The following GINS1 variants were observed in gnomAD, a reference collection of about 807,000 sequenced individuals.
GINS1 encodes GINS complex subunit 1.
GINS1 carries 26 observed loss-of-function variants against 34.9 expected under a neutral mutation model. That is an observed-to-expected ratio of 0.74 (90% CI 0.55 to 1.03). The LOEUF (loss-of-function observed/expected upper bound fraction) is 1.03, where lower values mean the gene tolerates loss of function less well. Among genes scored for constraint, GINS1 ranks in the 50% least tolerant of loss-of-function variants. The probability of loss-of-function intolerance (pLI) is 0.00; values close to 1 mark genes in which losing one functional copy is unlikely to be tolerated. For missense variants in GINS1, 235 were observed against 237.9 expected (o/e 0.99, Z 0.08); for synonymous variants, 97 against 84.4 (o/e 1.15, Z -0.82).
At position 25,426,783 on chromosome 20, in the gene GINS1, C is replaced by G. The variant is rs190582182; in HGVS notation, c.447+1456C>G. Among the ~76,000 whole-genome samples, 63 of 152,164 alleles carry G rather than the reference C, an allele frequency of 4.1e-4. No homozygotes were observed. In the East Asian group the frequency reaches 0.01, roughly 25 times the overall value. On this transcript the variant is annotated intron_variant, in intron 5 of 6. Transcript: ENST00000262460. ...CAGGTGATCCTCCCTCCTCGGCCTC[C>G]CAAAGTGCTGCGATTACAGGTGTGA...
Position 25,435,379 on chromosome 20 carries a change from A to G in GINS1, c.448-6323A>G, listed in dbSNP as rs141360571. ...AGTGGCACAATCATAGCTCACTGTA[A>G]TCTCAAACTCCTGGGCTGAAGCAAT... is the stretch of plus-strand genomic sequence containing the variant. On this transcript the variant is annotated intron_variant, in intron 5 of 6. Transcript: ENST00000262460. Among the ~76,000 whole-genome samples, 4 of 152,202 alleles carry G rather than the reference A, an allele frequency of 2.6e-5. No individual in the cohort carries two copies. In the East Asian group the frequency reaches 5.8e-4, roughly 22 times the overall value.
intron 2 of GINS1, 77 bp downstream of exon 2, chr20:25,413,931 C>T: frequency 2.4e-6 from 2 of 828,876 alleles, no homozygotes; most frequent in South Asian, 1.4e-5. Flanking sequence ...GTGGCTCACG[C>T]CTGTAATCCC....
At chr20:25,423,402 G>A (rs1243415513) in intron 4 of GINS1, among the ~76,000 whole-genome samples, 1 of 146,906 alleles carries the variant, frequency 6.8e-6, no homozygotes, top group African/African-American at 2.5e-5. Flanking sequence ...GTGAGCCACC[G>A]TGCCTGGCCT....
At chr20:25,417,654 G>A (rs752506410) in intron 3 of GINS1, among the ~76,000 whole-genome samples, 24 of 152,184 alleles carry the variant, frequency 1.6e-4, no homozygotes, top group Non-Finnish European at 3.1e-4. Context: ...TCAGGAGTTC[G>A]AGACCAGCCT....
chr20:25,443,114 G>C (rs1386510784), intron 6 of GINS1: 2 of 152,116 alleles, frequency 1.3e-5, no homozygotes, highest in Non-Finnish European at 2.9e-5. Flanking sequence ...TTTCCTAACA[G>C]GGTGAGTTGA....
chr20:25,421,381 C>G (rs892734734), intron 4 of GINS1, among the ~76,000 whole-genome samples: 3 of 152,044 alleles, frequency 2.0e-5, no homozygotes, highest in African/African-American at 7.2e-5. Context: ...AACAGATGAT[C>G]ATGTGTTAAT....
At chr20:25,434,813 C>A (rs1325629141) in intron 5 of GINS1, among the ~76,000 whole-genome samples, 1 of 152,216 alleles carries the variant, frequency 6.6e-6, no homozygotes, top group African/African-American at 2.4e-5. Context: ...CATTTGTCTT[C>A]TGTGGGCTAC....
At position 25,417,157 on chromosome 20, in the gene GINS1, G is replaced by A. The variant is rs186289957; in HGVS notation, c.194G>A (p.Arg65Gln). 13 of 1,600,922 alleles carry A rather than the reference G, an allele frequency of 8.1e-6. No homozygotes were observed. Among genetic ancestry groups the A allele is most frequent in the African/African-American group, 1.3e-5 (1 of 74,702 alleles). The change falls in exon 3 of 7, where the codon CGA (arginine) becomes CAA (glutamine). Residue 65 changes from arginine (R) to glutamine (Q), a missense_variant. By Grantham distance (43) the Arg-to-Gln change is conservative. Transcript: ENST00000262460. The part of the protein sequence containing the change: ...RSDLIPTIKF[R>Q]HCSLLRNRRC... ...GATTTGATACCAACTATCAAATTTC[G>A]ACACTGTTCTCTGTTAAGAAATCGA... is the stretch of plus-strand genomic sequence containing the variant.
At chr20:25,439,160 A>G (rs929758439) in intron 5 of GINS1, among the ~76,000 whole-genome samples, 13 of 152,318 alleles carry the variant, frequency 8.5e-5, no homozygotes, top group African/African-American at 3.1e-4. Context: ...ATGCATGAGT[A>G]TGGATGACAC....
chr20:25,419,669 TG>T, intron 4 of GINS1: 1 of 677,010 alleles, frequency 1.5e-6, no homozygotes, highest in South Asian at 1.9e-5. Context: ...TTAATTTTTT[TG>T]TGTATTTTTT....
chr20:25,444,186 A>G (rs1003906810), intron 6 of GINS1, among the ~76,000 whole-genome samples: 21 of 151,042 alleles, frequency 1.4e-4, no homozygotes, highest in African/African-American at 5.1e-4. Flanking sequence ...TAATTTTTGT[A>G]TTTTTTTTAG....
chr20:25,413,838 CA>C lies in GINS1; in HGVS notation c.128del (p.Asn43ThrfsTer5). 2 of 1,554,086 alleles carry C rather than the reference CA, an allele frequency of 1.3e-6. No homozygotes were observed. Among genetic ancestry groups the C allele is most frequent in the Non-Finnish European group, 1.8e-6 (2 of 1,125,240 alleles). On this transcript the variant is annotated frameshift_variant, in exon 2 of 7. Transcript: ENST00000262460. LOFTEE classifies it high-confidence loss of function. ...VLEEMKALYE[Q>X]NQSDVNEAKS... is the part of the protein sequence containing the mutation. Reference sequence around the variant, plus strand: ...GGAGGAGATGAAAGCTTTGTATGAACAAAACCAGTCTGATGTGTAAGTTTCA... The same window carrying C: ...GGAGGAGATGAAAGCTTTGTATGAACAAACCAGTCTGATGTGTAAGTTTCA...
At chr20:25,407,924 A>G in intron 1 of GINS1, 29 bp downstream of exon 1, 5 of 1,570,766 alleles carry the variant, frequency 3.2e-6, no homozygotes, top group Non-Finnish European at 4.4e-6. Context: ...TGGACGGGGC[A>G]TGCCGGCGTT....
chr20:25,415,431 T>C (rs1470491633), intron 2 of GINS1, among the ~76,000 whole-genome samples: 1 of 152,212 alleles, frequency 6.6e-6, no homozygotes, highest in Non-Finnish European at 1.5e-5. Flanking sequence ...CCCATGCCTG[T>C]AGTCCCAGCA....
At position 25,425,188 on chromosome 20, in the gene GINS1, A is replaced by G. The variant is rs372415943; in HGVS notation, c.331-23A>G. 16 of 1,017,642 alleles carry G rather than the reference A, an allele frequency of 1.6e-5. No individual in the cohort carries two copies. In the African/African-American group the frequency reaches 2.2e-4, roughly 14 times the overall value. The allele number at this position is 1,017,642 out of a possible 1,614,324, so 63.0% of individuals were successfully genotyped here. On this transcript the variant is annotated intron_variant, in intron 4 of 6. Coordinates refer to ENST00000262460, the MANE Select transcript of GINS1 (RefSeq NM_021067.5). ...TGCAAGTTTTCTTAGAATTTTGTCA[A>G]ATGATCATCTCTATGTTTGCAGATG...
intron 2 of GINS1, among the ~76,000 whole-genome samples, chr20:25,414,189 CAAA>C (rs58400500): frequency 1.5e-5 from 1 of 67,656 alleles, no homozygotes. Context: ...ACTCTGTCTC[CAAA>C]AAAAAAAAAA....
chr20:25,409,678 T>G (rs143538791), intron 1 of GINS1, among the ~76,000 whole-genome samples: 112 of 152,358 alleles, frequency 7.4e-4, no homozygotes, highest in Middle Eastern at 3.4e-3. Flanking sequence ...GTTAAGGAAC[T>G]CGTCTGAATT....
chr20:25,428,967 C>CTTTT (rs1241187859), intron 5 of GINS1, among the ~76,000 whole-genome samples: 19 of 114,218 alleles, frequency 1.7e-4, no homozygotes, highest in Non-Finnish European at 2.7e-4. Flanking sequence ...TCATTCCTCT[C>CTTTT]TCTTTTTTTT....
intron 5 of GINS1, among the ~76,000 whole-genome samples, chr20:25,426,462 G>A (rs564267562): frequency 8.7e-4 from 133 of 152,160 alleles, no homozygotes; most frequent in African/African-American, 3.0e-3. Context: ...GGCTGAGGCA[G>A]GATAATCGCT....
Sources: gnomAD v4.1 joint callset for allele counts (sites outside exome capture counted in the v4.1 genomes callset) on GRCh38, gnomAD v4.1.1 for gene constraint, MANE v1.5 for transcripts, NCBI Gene and HGNC (gene_info 2026-07-23, HGNC 2026-07-21) for gene names.